The following HSF2BP variants were observed in gnomAD, a reference collection of about 807,000 sequenced individuals.
HSF2BP encodes the protein heat shock factor 2-binding protein.
A neutral mutation model predicts 35.0 loss-of-function variants in HSF2BP; 35 were observed. The ratio of observed to expected loss-of-function variants is 1.00; its 90% CI spans 0.76 to 1.32. The LOEUF (loss-of-function observed/expected upper bound fraction) is 1.32, where lower values mean the gene tolerates loss of function less well. Among genes scored for constraint, HSF2BP ranks in the 40% most tolerant of loss-of-function variants. The pLI is 0.00. For missense variants in HSF2BP, 326 were observed against 321.7 expected (o/e 1.01, Z -0.10); for synonymous variants, 114 against 117.4 (o/e 0.97, Z 0.18).
rs1225697097 is a variant in HSF2BP, at chr21:43,613,934, T to C, written c.588A>G (p.Ile196Met). Residue 196 changes from isoleucine to methionine, a missense_variant, in exon 7 of 9, where the codon ATA (isoleucine) becomes ATG (methionine). Transcript: ENST00000291560. The part of the protein sequence containing the change: ...LAGIVTNVAA[I>M]ACGREFLVNS... ...TAACCAAGAATTCACGACCACATGC[T>C]ATAGCAGCAACATCTGCAACAGAAA... The C allele has an allele frequency of 1.2e-6, 2 of 1,608,638 alleles. No homozygotes were observed. The highest frequency in any genetic ancestry group is 1.7e-6 in the Non-Finnish European group (2 of 1,177,824).
chr21:43,636,046 CAA>C (rs531094050), intron 4 of HSF2BP, among the ~76,000 whole-genome samples: 4 of 97,856 alleles, frequency 4.1e-5, no homozygotes, highest in Admixed American at 2.3e-4. Flanking sequence ...CCCATCTCTA[CAA>C]AAAAAAAAAA....
chr21:43,589,155 A>G (rs941489262), intron 8 of HSF2BP, among the ~76,000 whole-genome samples: 1 of 152,204 alleles, frequency 6.6e-6, no homozygotes, highest in Non-Finnish European at 1.5e-5. Flanking sequence ...GCTCTGGCTG[A>G]ACTTTGCCCT....
the HSF2BP span, among the ~76,000 whole-genome samples, chr21:43,467,879 C>CA: frequency 8.2e-6 from 1 of 122,422 alleles, no homozygotes; most frequent in Non-Finnish European, 1.8e-5. Flanking sequence ...ACCAAACACA[C>CA]CACACACACC....
intron 8 of HSF2BP, among the ~76,000 whole-genome samples, chr21:43,577,982 C>T (rs980834699): frequency 3.9e-5 from 6 of 152,160 alleles, no homozygotes; most frequent in Non-Finnish European, 5.9e-5. Context: ...CTAACTCCAC[C>T]GCCTATCCCA....
intron 8 of HSF2BP, among the ~76,000 whole-genome samples, chr21:43,587,485 G>A (rs1038967850): frequency 9.2e-5 from 14 of 151,996 alleles, no homozygotes; most frequent in African/African-American, 3.4e-4. Context: ...GACCAACATG[G>A]AGAAACCGCA....
intron 8 of HSF2BP, among the ~76,000 whole-genome samples, chr21:43,586,192 C>T (rs920209268): frequency 1.3e-5 from 2 of 152,164 alleles, no homozygotes; most frequent in Non-Finnish European, 2.9e-5. Flanking sequence ...GCTATTTGCT[C>T]GAGTTCTATG....
intron 8 of HSF2BP, among the ~76,000 whole-genome samples, chr21:43,583,298 TGGGGGATGAGGGCCTGGTGA>T (rs1278468547): frequency 7.3e-5 from 1 of 13,780 alleles, no homozygotes; most frequent in African/African-American, 3.5e-4. Context: ...AGACCTGCTG[TGGGGGATGAGGGCCTGGTGA>T]GGGGGATGAG....
At chr21:43,599,453 T>A (rs1362128288) in intron 7 of HSF2BP, among the ~76,000 whole-genome samples, 1 of 152,228 alleles carries the variant, frequency 6.6e-6, no homozygotes, top group East Asian at 1.9e-4. Flanking sequence ...TTATCAAGTC[T>A]AAAGAGACTG....
chr21:43,604,131 T>C (rs1195866230), intron 7 of HSF2BP, among the ~76,000 whole-genome samples: 2 of 151,920 alleles, frequency 1.3e-5, no homozygotes, highest in Non-Finnish European at 2.9e-5. Flanking sequence ...CTGGAAATAC[T>C]GGAGCAAGAA....
intron 8 of HSF2BP, among the ~76,000 whole-genome samples, chr21:43,589,668 T>C (rs1315320438): frequency 6.6e-6 from 1 of 152,058 alleles, no homozygotes; most frequent in African/African-American, 2.4e-5. Flanking sequence ...GATCCAAAAA[T>C]AGATGAATGG....
the HSF2BP span, among the ~76,000 whole-genome samples, chr21:43,501,448 G>C: frequency 1.9e-5 from 1 of 53,978 alleles, no homozygotes; most frequent in Non-Finnish European, 3.4e-5. Flanking sequence ...CTGTACCCAG[G>C]CTGGAGCACA....
At chr21:43,592,467 A>C (rs2081938928) in intron 7 of HSF2BP, 139 bp from the exon 8 acceptor site, 1 of 605,712 alleles carries the variant, frequency 1.7e-6, no homozygotes, top group African/African-American at 1.9e-5. Context: ...AATGTGAATT[A>C]ATAACATCTG....
intron 3 of HSF2BP, among the ~76,000 whole-genome samples, chr21:43,645,965 T>C (rs1334036651): frequency 6.6e-6 from 1 of 151,926 alleles, no homozygotes; most frequent in East Asian, 1.9e-4. Flanking sequence ...AACCTAAAAG[T>C]AAATATTCAG....
At chr21:43,609,384 G>A (rs781717086) in intron 7 of HSF2BP, among the ~76,000 whole-genome samples, 4 of 152,032 alleles carry the variant, frequency 2.6e-5, no homozygotes, top group Admixed American at 1.3e-4. Flanking sequence ...TTGGCATCAC[G>A]CAATATACTC....
intron 2 of HSF2BP, 131 bp from the exon 3 acceptor site, chr21:43,656,868 T>G (rs560607959): frequency 2.9e-6 from 2 of 700,730 alleles, no homozygotes; most frequent in Admixed American, 2.7e-5. Context: ...ACCTACTGTA[T>G]ATTCTGCTAT....
intron 8 of HSF2BP, among the ~76,000 whole-genome samples, chr21:43,582,103 T>G (rs1306258766): frequency 5.4e-5 from 5 of 93,146 alleles, no homozygotes; most frequent in East Asian, 3.4e-4. Context: ...GATGAGGGCC[T>G]GCTGTGGGGA....
chr21:43,657,854 C>A, intron 2 of HSF2BP: 3 of 985,488 alleles, frequency 3.0e-6, no homozygotes, highest in Non-Finnish European at 3.6e-6. Flanking sequence ...CAGACCGGGT[C>A]CCCGCGTGGG....
chr21:43,645,786 C>T (rs2082700964), intron 3 of HSF2BP, among the ~76,000 whole-genome samples: 1 of 152,008 alleles, frequency 6.6e-6, no homozygotes, highest in Admixed American at 6.6e-5. Flanking sequence ...GTAGGGCTTT[C>T]GAATCTAGGG....
intron 8 of HSF2BP, among the ~76,000 whole-genome samples, chr21:43,585,150 ATGT>A (rs1343641520): frequency 1.3e-5 from 2 of 152,030 alleles, no homozygotes; most frequent in Non-Finnish European, 2.9e-5. Context: ...CTACAAAAAA[ATGT>A]TGTAAAAACT....
Sources: gnomAD v4.1 joint callset for allele counts (sites outside exome capture counted in the v4.1 genomes callset) on GRCh38, gnomAD v4.1.1 for gene constraint, MANE v1.5 for transcripts, NCBI Gene and HGNC (gene_info 2026-07-23, HGNC 2026-07-21) for gene names.